VDAC1: variants seen among roughly 807,000 people sequenced by gnomAD.
VDAC1 encodes the protein non-selective voltage-gated ion channel VDAC1.
Under a neutral mutation model 34.7 loss-of-function variants are expected in VDAC1, and 10 were observed. That is an observed-to-expected ratio of 0.29 (90% CI 0.18 to 0.49). The LOEUF is 0.49. VDAC1 is among the 20% of genes least tolerant of loss of function. VDAC1 has a pLI of 0.99. For missense variants in VDAC1, 230 were observed against 347.9 expected (o/e 0.66, Z 2.69); for synonymous variants, 130 against 136.0 (o/e 0.96, Z 0.30).
chr5:134,037,456 G>C, the VDAC1 span, among the ~76,000 whole-genome samples: 2 of 152,116 alleles, frequency 1.3e-5, no homozygotes, highest in Non-Finnish European at 2.9e-5. Context: ...TGATTAATGG[G>C]TTTCCTGATC....
intron 1 of VDAC1, among the ~76,000 whole-genome samples, chr5:133,998,191 T>A (rs1328090398): frequency 1.3e-5 from 2 of 152,120 alleles, no homozygotes; most frequent in South Asian, 4.1e-4. Flanking sequence ...TCTATGTTCA[T>A]GAATGGATGG....
chr5:134,045,698 G>A, the VDAC1 span, among the ~76,000 whole-genome samples: 1 of 150,380 alleles, frequency 6.6e-6, no homozygotes, highest in Non-Finnish European at 1.5e-5. Context: ...TTTTTGAGAT[G>A]GGGTTTCACT....
intron 5 of VDAC1, 57 bp from the exon 6 acceptor site, chr5:133,981,013 T>C: frequency 6.7e-7 from 1 of 1,481,712 alleles, no homozygotes; most frequent in South Asian, 1.2e-5. Context: ...AAATGCAAGT[T>C]GTCTTTTTTT....
the VDAC1 span, among the ~76,000 whole-genome samples, chr5:134,055,597 T>TTTTTTTGTTTTTG: frequency 4.2e-5 from 2 of 48,046 alleles, no homozygotes; most frequent in African/African-American, 1.2e-4. Context: ...TGTTTTTTTT[T>TTTTTTTGTTTTTG]TTTTTTTTTT....
the VDAC1 span, among the ~76,000 whole-genome samples, chr5:134,068,336 T>C: frequency 1.3e-5 from 2 of 150,950 alleles, no homozygotes; most frequent in Non-Finnish European, 2.9e-5. Context: ...TCCTATCAGT[T>C]TTTTTTTTCT....
Position 133,971,872 on chromosome 5 carries a change from CCT to C in VDAC1, c.*897_*898del, listed in dbSNP as rs36115004. 17,142 of 152,416 alleles carry C rather than the reference CCT, an allele frequency of 0.11. 1,067 individuals carry two copies. Among genetic ancestry groups the C allele is most frequent in the South Asian group, 0.22 (1,036 of 4,816 alleles). The allele number at this position is 152,416 out of a possible 1,614,324, so 9.4% of individuals were successfully genotyped here. On this transcript the variant is annotated 3_prime_UTR_variant, in exon 9 of 9. Transcript: ENST00000265333. The stretch of plus-strand genomic sequence containing the variant: ...AGACAAAATAAATCTAAACAAATGC[CCT>C]GTTTATTTATATTTTATTAATAAAG...
rs769011025 is a variant in VDAC1, at chr5:133,972,820, A to T, written c.803T>A (p.Val268Asp). 2 of 1,613,890 alleles carry T rather than the reference A, an allele frequency of 1.2e-6. No homozygotes were observed. Among genetic ancestry groups the T allele is most frequent in the Non-Finnish European group, 1.7e-6 (2 of 1,179,784 alleles). ...ACCAAGCTTGTGGCCACCAGCATTG[A>T]CGTTCTTGCCATCCAGAAGAGCTGA... is the stretch of plus-strand genomic sequence containing the variant. ...TLSALLDGKN[V>D]NAGGHKLGLG... The change falls in exon 9 of 9, where the codon GTC becomes GAC. Residue 268 changes from valine to aspartate, a missense_variant. Coordinates refer to ENST00000265333, the MANE Select transcript of VDAC1 (RefSeq NM_003374.3).
At chr5:134,010,609 C>T in the VDAC1 span, among the ~76,000 whole-genome samples, 1 of 151,986 alleles carries the variant, frequency 6.6e-6, no homozygotes, top group Non-Finnish European at 1.5e-5. Flanking sequence ...AAAACAACAA[C>T]AACAACAACA....
the VDAC1 span, among the ~76,000 whole-genome samples, chr5:134,068,540 G>T: frequency 6.6e-6 from 1 of 151,560 alleles, no homozygotes. Context: ...GATCTCTTTT[G>T]TTGCTAATGA....
chr5:134,005,331 C>T (rs1473516793), upstream of VDAC1: 1 of 152,206 alleles, frequency 6.6e-6, no homozygotes, highest in Non-Finnish European at 1.5e-5. Flanking sequence ...CCTGGGGCGG[C>T]GCAGATACAG....
chr5:133,981,346 T>C (rs976821533), intron 5 of VDAC1, among the ~76,000 whole-genome samples: 1 of 152,230 alleles, frequency 6.6e-6, no homozygotes, highest in Non-Finnish European at 1.5e-5. Flanking sequence ...AAAAGATTTA[T>C]CTGCCATGAA....
intron 1 of VDAC1, among the ~76,000 whole-genome samples, chr5:133,994,711 C>T (rs1211756573): frequency 6.6e-6 from 1 of 152,144 alleles, no homozygotes; most frequent in Non-Finnish European, 1.5e-5. Flanking sequence ...TAACCCCAGG[C>T]AGACACAGAA....
chr5:134,026,455 CA>C, the VDAC1 span, among the ~76,000 whole-genome samples: 1 of 139,874 alleles, frequency 7.1e-6, no homozygotes, highest in African/African-American at 2.7e-5. Context: ...GTGGAGCTTG[CA>C]GTGAGCCAAG....
chr5:134,040,854 A>T, the VDAC1 span, among the ~76,000 whole-genome samples: 2 of 152,222 alleles, frequency 1.3e-5, no homozygotes, highest in Non-Finnish European at 2.9e-5. Context: ...CTAGGAAGTC[A>T]GTTCTCCCTG....
the VDAC1 span, among the ~76,000 whole-genome samples, chr5:134,046,794 T>A: frequency 6.6e-6 from 1 of 152,122 alleles, no homozygotes; most frequent in African/African-American, 2.4e-5. Context: ...TAGCACCTGG[T>A]TTGAGCTTCA....
chr5:134,071,941 T>C, the VDAC1 span, among the ~76,000 whole-genome samples: 1 of 152,090 alleles, frequency 6.6e-6, no homozygotes, highest in South Asian at 2.1e-4. The surrounding 1 kb of genome is among the most constrained non-coding windows in gnomAD (Gnocchi z 4.1). Flanking sequence ...TGTCCCAGGG[T>C]AACCCCTGGA....
chr5:134,104,696 A>G, the VDAC1 span, among the ~76,000 whole-genome samples: 350 of 152,370 alleles, frequency 2.3e-3, no homozygotes, highest in South Asian at 0.011. Context: ...AAATTCTAAA[A>G]ACAAAAGACC....
chr5:134,105,689 C>A, the VDAC1 span, among the ~76,000 whole-genome samples: 73 of 152,352 alleles, frequency 4.8e-4, no homozygotes, highest in Non-Finnish European at 7.6e-4. Flanking sequence ...CAGCCACCAC[C>A]CACACCCAGG....
the VDAC1 span, among the ~76,000 whole-genome samples, chr5:134,034,270 T>C: frequency 2.6e-5 from 4 of 152,348 alleles, no homozygotes; most frequent in East Asian, 5.8e-4. Context: ...AGCTACTTTC[T>C]GTGTGGAGCA....
Sources: gnomAD v4.1 joint callset for allele counts (sites outside exome capture counted in the v4.1 genomes callset) on GRCh38, gnomAD v4.1.1 for gene constraint, Gnocchi (gnomAD v3.1) non-coding constraint, MANE v1.5 for transcripts, NCBI Gene and HGNC (gene_info 2026-07-23, HGNC 2026-07-21) for gene names.